Variants in VPS13B observed in about 807,000 individuals in gnomAD.
VPS13B encodes the protein intermembrane lipid transfer protein VPS13B.
A neutral mutation model predicts 426.4 loss-of-function variants in VPS13B; 285 were observed. The observed-to-expected ratio is 0.67, with a 90% CI of 0.61 to 0.74. The LOEUF is 0.74. Ranked by LOEUF, VPS13B falls within the 30% of genes least tolerant of loss-of-function variation. The probability of loss-of-function intolerance (pLI) is 0.00; values close to 1 mark genes in which losing one functional copy is unlikely to be tolerated. For missense variants in VPS13B, 4,537 were observed against 4,782.6 expected (o/e 0.95, Z 1.51); for synonymous variants, 1,676 against 1,676.4 (o/e 1.00, Z 0.01).
chr8:99,293,825 C>A (rs1341952591), intron 19 of VPS13B, among the ~76,000 whole-genome samples: 1 of 150,160 alleles, frequency 6.7e-6, no homozygotes, highest in East Asian at 2.0e-4. Flanking sequence ...AAATGCAAAT[C>A]AAAACCACAA....
intron 3 of VPS13B, among the ~76,000 whole-genome samples, chr8:99,079,424 GT>G (rs1845322661): frequency 6.6e-6 from 1 of 152,132 alleles, no homozygotes; most frequent in Non-Finnish European, 1.5e-5. Context: ...ATTGAATGTG[GT>G]TGTGGTGGAT....
intron 17 of VPS13B, among the ~76,000 whole-genome samples, chr8:99,208,965 G>T (rs1461990733): frequency 6.6e-6 from 1 of 152,148 alleles, no homozygotes; most frequent in African/African-American, 2.4e-5. Context: ...AGTTTTCAGA[G>T]AACTACTTGT....
rs201375500 is a variant in VPS13B at position 99,462,103 on chromosome 8, TCTTCCTTC to T, written c.3446-5301_3446-5294del. Among the ~76,000 whole-genome samples the T allele has an allele frequency of 2.0e-5, 3 of 146,880 alleles. No individual in the cohort carries two copies. In the East Asian group the frequency reaches 6.3e-4, roughly 31 times the overall value. ...CCCTCCCTCCCTTCCTTCCTTCCTT[TCTTCCTTC>T]CTTCCTTCCAACTTCCTTCCTTCCT... On this transcript the variant is annotated intron_variant, in intron 23 of 61. Coordinates refer to ENST00000357162, the MANE Select transcript of VPS13B (RefSeq NM_152564.5).
At chr8:99,698,598 G>A (rs980203834) in intron 35 of VPS13B, among the ~76,000 whole-genome samples, 1 of 152,114 alleles carries the variant, frequency 6.6e-6, no homozygotes, top group Admixed American at 6.5e-5. Context: ...AGCTTCATTT[G>A]GGATTATGTC....
intron 33 of VPS13B, among the ~76,000 whole-genome samples, chr8:99,589,826 T>C (rs1335646922): frequency 2.0e-5 from 3 of 152,172 alleles, no homozygotes; most frequent in Admixed American, 6.6e-5. Flanking sequence ...TGCCAGGCTT[T>C]GGTATCAGGA....
At chr8:99,407,121 G>C (rs1815376444) in intron 21 of VPS13B, among the ~76,000 whole-genome samples, 1 of 152,172 alleles carries the variant, frequency 6.6e-6, no homozygotes, top group Non-Finnish European at 1.5e-5. Flanking sequence ...TTGTCTGTAG[G>C]ATGGAACTAA....
At chr8:99,710,095 T>A (rs1465083209) in intron 36 of VPS13B, among the ~76,000 whole-genome samples, 1 of 152,222 alleles carries the variant, frequency 6.6e-6, no homozygotes, top group African/African-American at 2.4e-5. Flanking sequence ...ATTTTGTCTT[T>A]ACTGTTTTTG....
At chr8:99,856,625 G>A (rs189429041) in intron 56 of VPS13B, among the ~76,000 whole-genome samples, 1 of 152,340 alleles carries the variant, frequency 6.6e-6, no homozygotes, top group Non-Finnish European at 1.5e-5. Context: ...CGAATTGCCT[G>A]TGCTCAGGAG....
Position 99,832,647 on chromosome 8 carries a change from T to C in VPS13B, c.9609T>C (p.Cys3203=), listed in dbSNP as rs533207610. Residue 3203 remains cysteine (C), a synonymous_variant, in exon 52 of 62, where the codon TGT becomes TGC. Coordinates refer to ENST00000357162, the MANE Select transcript of VPS13B (RefSeq NM_152564.5). ...GGAATTTCCGGGAAAATGGATTCTG[T>C]ACCAGGTATTTTATGTTTATATAAA... ...PLGNFRENGF[C]TRAIVLTYQE... 2.0e-5 allele frequency: 32 copies of C among 1,613,574 alleles called. 1 individual carries two copies. The South Asian group carries it at 3.4e-4, about 17-fold the overall frequency.
chr8:99,859,452 C>G lies in VPS13B; in HGVS notation c.11016C>G (p.Thr3672=). 6.2e-7 allele frequency: 1 copy of G among 1,613,912 alleles called. No individual in the cohort carries two copies. The highest frequency in any genetic ancestry group is 8.5e-7 in the Non-Finnish European group (1 of 1,179,988). Residue 3672 remains threonine (T), a synonymous_variant, in exon 57 of 62, where the codon ACC becomes ACG. Transcript: ENST00000357162. Reference sequence around the variant, plus strand: ...TCGTGAGTGGCGTCTCCAGAGGGACCACATCGTTTGTAAAGCACATCTCCA... The same window carrying G: ...TCGTGAGTGGCGTCTCCAGAGGGACGACATCGTTTGTAAAGCACATCTCCA... ...GAFVSGVSRG[T]TSFVKHISKG...
At chr8:99,122,963 A>G (rs920232734) in intron 8 of VPS13B, among the ~76,000 whole-genome samples, 2 of 151,558 alleles carry the variant, frequency 1.3e-5, no homozygotes, top group Non-Finnish European at 2.9e-5. Context: ...AAAAAAAAAA[A>G]TTACCCAATT....
chr8:99,859,275 A>G, intron 56 of VPS13B, 29 bp from the exon 57 acceptor site: 4 of 1,612,594 alleles, frequency 2.5e-6, no homozygotes, highest in Non-Finnish European at 2.5e-6. Flanking sequence ...TTGAGGTTTC[A>G]ATCACCCCTT....
chr8:99,595,085 T>A (rs1438574589), intron 33 of VPS13B, among the ~76,000 whole-genome samples: 1 of 151,964 alleles, frequency 6.6e-6, no homozygotes, highest in Non-Finnish European at 1.5e-5. Context: ...CTCTGTATGG[T>A]TAGTGACCCA....
At chr8:99,319,896 C>CG (rs1402831237) in intron 19 of VPS13B, among the ~76,000 whole-genome samples, 1 of 152,164 alleles carries the variant, frequency 6.6e-6, no homozygotes, top group East Asian at 1.9e-4. Context: ...AGGTACCTGA[C>CG]ATGTGCTTCA....
intron 30 of VPS13B, among the ~76,000 whole-genome samples, chr8:99,541,471 G>A (rs1823614814): frequency 3.9e-5 from 6 of 151,988 alleles, no homozygotes; most frequent in Admixed American, 3.9e-4. Flanking sequence ...CATGCATTAG[G>A]TGTTTGTCCT....
chr8:99,775,035 C>G (rs1006909415), intron 40 of VPS13B, among the ~76,000 whole-genome samples: 1 of 152,182 alleles, frequency 6.6e-6, no homozygotes, highest in Non-Finnish European at 1.5e-5. Context: ...TTTTCACCAG[C>G]CTGTTTCACA....
Position 99,616,686 on chromosome 8 carries a change from G to A in VPS13B, c.5221-25125G>A, listed in dbSNP as rs567047335. Among the ~76,000 whole-genome samples the A allele has an allele frequency of 5.3e-5, 8 of 152,322 alleles. No individual in the cohort carries two copies. The East Asian group carries it at 1.4e-3, about 26-fold the overall frequency. ...ACTAAAAATACAAAATTAGCTGGAC[G>A]TGGTGGCGGGTGCCTGTAATCCCAG... On this transcript the variant is annotated intron_variant, in intron 33 of 61. Coordinates refer to ENST00000357162, the MANE Select transcript of VPS13B (RefSeq NM_152564.5).
intron 33 of VPS13B, among the ~76,000 whole-genome samples, chr8:99,602,889 C>T (rs965111872): frequency 1.3e-5 from 2 of 152,174 alleles, no homozygotes; most frequent in African/African-American, 4.8e-5. Flanking sequence ...AGGACACAAA[C>T]AAATGGAAAA....
rs775710280 is a variant in VPS13B at position 99,577,577 on chromosome 8, C to T, written c.5164C>T (p.His1722Tyr). Residue 1722 changes from histidine (H) to tyrosine (Y), a missense_variant, in exon 33 of 62, where the codon CAT (histidine) becomes TAT (tyrosine). Physicochemically the swap from His to Tyr is moderately conservative, Grantham distance 83. Coordinates refer to ENST00000357162, the MANE Select transcript of VPS13B (RefSeq NM_152564.5). ...AAGTGTGGCTCAAGTTCAACTCTTA[C>T]ATCAGTTAATAGTAGCAAATATGAC... ...FLSVAQVQLL[H>Y]QLIVANMTGL... The T allele has an allele frequency of 1.9e-6, 3 of 1,613,822 alleles. No homozygotes were observed. In the South Asian group the frequency reaches 3.3e-5, roughly 18 times the overall value.
Sources: gnomAD v4.1 joint callset for allele counts (sites outside exome capture counted in the v4.1 genomes callset) on GRCh38, gnomAD v4.1.1 for gene constraint, MANE v1.5 for transcripts, NCBI Gene and HGNC (gene_info 2026-07-23, HGNC 2026-07-21) for gene names.